The following BCAS4 variants were observed in gnomAD, a reference collection of about 807,000 sequenced individuals.
The protein encoded by BCAS4 is breast carcinoma amplified sequence 4, also known as breast carcinoma-amplified sequence 4.
BCAS4 carries 9 observed loss-of-function variants against 15.7 expected under a neutral mutation model. The observed-to-expected ratio is 0.57, with a 90% CI of 0.34 to 1.00. The LOEUF (loss-of-function observed/expected upper bound fraction) is 1.00, where lower values mean the gene tolerates loss of function less well. Among genes scored for constraint, BCAS4 ranks in the 50% least tolerant of loss-of-function variants. BCAS4 has a pLI of 0.02. For synonymous variants in BCAS4, 101 were observed against 99.5 expected, an observed-to-expected ratio of 1.02 and a Z score of -0.09; for missense variants, 225 against 239.1, an observed-to-expected ratio of 0.94 and a Z score of 0.39.
intron 1 of BCAS4, among the ~76,000 whole-genome samples, chr20:50,799,475 G>C (rs1292652460): frequency 6.6e-6 from 1 of 152,208 alleles, no homozygotes; most frequent in Non-Finnish European, 1.5e-5. Flanking sequence ...ACAGTTTCCA[G>C]GTGGGCACAT....
chr20:50,881,611 G>A (rs1290286470), downstream of BCAS4: 1 of 151,736 alleles, frequency 6.6e-6, no homozygotes, highest in Non-Finnish European at 1.5e-5. Flanking sequence ...AATACCCTGA[G>A]ATTTTTCACA....
At chr20:50,865,506 C>T (rs1979313181) in intron 4 of BCAS4, among the ~76,000 whole-genome samples, 1 of 152,184 alleles carries the variant, frequency 6.6e-6, no homozygotes, top group South Asian at 2.1e-4. Context: ...AACGCTTTTC[C>T]TCCAGCTAAA....
At chr20:50,849,631 G>A (rs1359128130) in intron 4 of BCAS4, among the ~76,000 whole-genome samples, 1 of 152,186 alleles carries the variant, frequency 6.6e-6, no homozygotes, top group Non-Finnish European at 1.5e-5. Flanking sequence ...GTGGCGAATT[G>A]CAGACCCCAT....
intron 3 of BCAS4, among the ~76,000 whole-genome samples, chr20:50,836,656 A>C (rs1021500460): frequency 4.6e-5 from 7 of 152,210 alleles, no homozygotes; most frequent in African/African-American, 1.7e-4. Context: ...GTGACCTGCC[A>C]GGTGAGAGCT....
downstream of BCAS4, chr20:50,878,474 T>G (rs890771989): frequency 6.6e-6 from 1 of 152,012 alleles, no homozygotes; most frequent in African/African-American, 2.4e-5. Flanking sequence ...CCGGTCAGCA[T>G]TTTTTTATTG....
intron 4 of BCAS4, among the ~76,000 whole-genome samples, chr20:50,875,360 A>G (rs867501460): frequency 3.3e-5 from 5 of 152,298 alleles, no homozygotes; most frequent in South Asian, 4.1e-4. Flanking sequence ...CTCCACAAAA[A>G]TCCTCACCAG....
chr20:50,855,881 C>T (rs1456900050), intron 4 of BCAS4, among the ~76,000 whole-genome samples: 2 of 152,262 alleles, frequency 1.3e-5, no homozygotes, highest in African/African-American at 4.8e-5. Flanking sequence ...GAGAATAAAA[C>T]TCACAGGCAG....
chr20:50,825,287 G>C (rs966695327), intron 2 of BCAS4, among the ~76,000 whole-genome samples: 1 of 151,986 alleles, frequency 6.6e-6, no homozygotes, highest in Non-Finnish European at 1.5e-5. Flanking sequence ...TCACTGTGTT[G>C]CCCAGACTGG....
intron 4 of BCAS4, among the ~76,000 whole-genome samples, chr20:50,853,394 C>T (rs1978553404): frequency 6.6e-6 from 1 of 152,078 alleles, no homozygotes; most frequent in Admixed American, 6.6e-5. Flanking sequence ...ATCTGCCTGC[C>T]TCAGCCTCCC....
chr20:50,802,598 A>T (rs747381870), intron 1 of BCAS4, among the ~76,000 whole-genome samples: 4 of 152,166 alleles, frequency 2.6e-5, no homozygotes, highest in Non-Finnish European at 4.4e-5. Flanking sequence ...TAGGCCAGGC[A>T]TGTTGGCCCA....
At chr20:50,874,350 CT>C (rs1046100855) in intron 4 of BCAS4, among the ~76,000 whole-genome samples, 2 of 152,166 alleles carry the variant, frequency 1.3e-5, no homozygotes, top group Non-Finnish European at 2.9e-5. Context: ...CTCTATACCC[CT>C]GTTCTCCTGA....
chr20:50,875,938 T>C lies in BCAS4; in HGVS notation c.400-548T>C, dbSNP rs1405959818. On this transcript the variant is annotated intron_variant, in intron 4 of 4. Transcript: ENST00000371608. Reference sequence around the variant, plus strand: ...TTAGTCCTCCTCTGCCAGAACATATTGATCTGCCTGGCTTTTTCTTTTTTC... The same window carrying C: ...TTAGTCCTCCTCTGCCAGAACATATCGATCTGCCTGGCTTTTTCTTTTTTC... 3.9e-5 allele frequency: 18 copies of C among 456,106 alleles called. No individual in the cohort carries two copies. The Admixed American group carries it at 4.0e-4, about 10-fold the overall frequency. The allele number at this position is 456,106 out of a possible 1,614,324, so 28.3% of individuals were successfully genotyped here. A position where few individuals can be genotyped will look rare whatever the true frequency, so the allele number is the denominator to read the frequency against.
At chr20:50,796,683 A>G (rs2087869321) in intron 1 of BCAS4, among the ~76,000 whole-genome samples, 1 of 149,758 alleles carries the variant, frequency 6.7e-6, no homozygotes, top group East Asian at 2.0e-4. Context: ...TTCAGTAGAG[A>G]CGGGGTTTCA....
rs1445098140 is a variant in BCAS4 at position 50,818,192 on chromosome 20, G to T, written c.91-19G>T. 1 of 1,612,960 alleles carries T rather than the reference G, an allele frequency of 6.2e-7. No individual in the cohort carries two copies. Among genetic ancestry groups the T allele is most frequent in the Non-Finnish European group, 8.5e-7 (1 of 1,179,276 alleles). On this transcript the variant is annotated intron_variant, in intron 1 of 4. Transcript: ENST00000371608. ...CTGGAAACCACTTGCTAATCTCCAG[G>T]ATATCGTCTCTTTTTCAGGCGAAGG...
intron 2 of BCAS4, among the ~76,000 whole-genome samples, chr20:50,826,794 C>T (rs947346930): frequency 6.6e-5 from 10 of 152,054 alleles, no homozygotes; most frequent in African/African-American, 2.4e-4. Context: ...CACAGTGAAA[C>T]CCTGTCTCTA....
intron 4 of BCAS4, among the ~76,000 whole-genome samples, chr20:50,873,163 G>A (rs750780681): frequency 1.3e-5 from 2 of 152,134 alleles, no homozygotes; most frequent in African/African-American, 2.4e-5. Flanking sequence ...AGCTGCCGGC[G>A]GCCTCTCGCC....
chr20:50,807,128 T>C (rs543366994), intron 1 of BCAS4, among the ~76,000 whole-genome samples: 9 of 152,082 alleles, frequency 5.9e-5, no homozygotes, highest in African/African-American at 1.9e-4. Context: ...TGCCTCGGCC[T>C]CCAAAAGTGC....
intron 4 of BCAS4, among the ~76,000 whole-genome samples, chr20:50,848,060 A>C (rs6096126): frequency 0.073 from 11,138 of 152,044 alleles, 681 homozygotes; most frequent in East Asian, 0.25. Context: ...ACAACAACAA[A>C]AAAAAACAGA....
intron 4 of BCAS4, among the ~76,000 whole-genome samples, chr20:50,857,300 T>G (rs529316255): frequency 6.6e-6 from 1 of 152,098 alleles, no homozygotes; most frequent in East Asian, 1.9e-4. Context: ...CCTGGCTAAT[T>G]TTGTATTTTT....
Sources: gnomAD v4.1 joint callset for allele counts (sites outside exome capture counted in the v4.1 genomes callset) on GRCh38, gnomAD v4.1.1 for gene constraint, MANE v1.5 for transcripts, NCBI Gene and HGNC (gene_info 2026-07-23, HGNC 2026-07-21) for gene names.